PCDHA1: variants seen among roughly 807,000 people sequenced by gnomAD.
PCDHA1 encodes the protein protocadherin alpha-1.
Under a neutral mutation model 61.3 loss-of-function variants are expected in PCDHA1, and 42 were observed. The ratio of observed to expected loss-of-function variants is 0.69; its 90% CI spans 0.54 to 0.89. PCDHA1 has a LOEUF of 0.89. Ranked by LOEUF, PCDHA1 falls within the 40% of genes least tolerant of loss-of-function variation. The probability of loss-of-function intolerance (pLI) is 0.00; values close to 1 mark genes in which losing one functional copy is unlikely to be tolerated. For synonymous variants in PCDHA1, 610 were observed against 553.8 expected, an observed-to-expected ratio of 1.10 and a Z score of -1.43; for missense variants, 1,256 against 1,235.3, an observed-to-expected ratio of 1.02 and a Z score of -0.25.
rs2150503852 is a variant in PCDHA1 at position 140,850,955 on chromosome 5, C to T, written c.2394+62271C>T. The T allele has an allele frequency of 1.6e-5, 23 of 1,482,450 alleles. 2 individuals are homozygous for T. In the Admixed American group the frequency reaches 2.7e-4, roughly 17 times the overall value. 91.8% of individuals were successfully genotyped at this position (1,482,450 alleles called of 1,614,324 possible). A position where few individuals can be genotyped will look rare whatever the true frequency, so the allele number is the denominator to read the frequency against. On this transcript the variant is annotated intron_variant, in intron 1 of 3. Transcript: ENST00000504120. Reference sequence around the variant, plus strand: ...TTCTTGAAAGATATTATCGATTACTCCCAGGGGCCGTTCAAATAGTTTTAT... The same window carrying T: ...TTCTTGAAAGATATTATCGATTACTTCCAGGGGCCGTTCAAATAGTTTTAT...
chr5:140,921,716 A>C (rs1554200396), intron 1 of PCDHA1, among the ~76,000 whole-genome samples: 1 of 152,202 alleles, frequency 6.6e-6, no homozygotes, highest in Non-Finnish European at 1.5e-5. Context: ...TAAACACACG[A>C]ATTACTCCCA....
intron 2 of PCDHA1, among the ~76,000 whole-genome samples, chr5:140,980,255 C>T (rs782489996): frequency 2.0e-4 from 31 of 152,210 alleles, no homozygotes; most frequent in Middle Eastern, 3.2e-3. Flanking sequence ...TGGGTAAAAG[C>T]ATGGTTTACA....
intron 3 of PCDHA1, among the ~76,000 whole-genome samples, chr5:141,000,419 A>G (rs1394449061): frequency 1.6e-5 from 1 of 61,008 alleles, no homozygotes; most frequent in African/African-American, 7.6e-5. Flanking sequence ...ATATATATAT[A>G]TATTTTTTTT....
At chr5:140,810,923 TTTACA>T (rs782478731) in intron 1 of PCDHA1, 7 of 152,192 alleles carry the variant, frequency 4.6e-5, no homozygotes, top group Non-Finnish European at 8.8e-5. Flanking sequence ...TATTTCATTG[TTTACA>T]TTACATCTAC....
At chr5:140,872,769 T>C (rs1463790803) in intron 1 of PCDHA1, among the ~76,000 whole-genome samples, 2 of 152,184 alleles carry the variant, frequency 1.3e-5, no homozygotes, top group African/African-American at 2.4e-5. Flanking sequence ...TAGGGCTATA[T>C]TATCTATAAT....
At chr5:140,878,550 A>T (rs1483801784) in intron 1 of PCDHA1, among the ~76,000 whole-genome samples, 1 of 152,212 alleles carries the variant, frequency 6.6e-6, no homozygotes, top group African/African-American at 2.4e-5. Flanking sequence ...GTTTCAGATG[A>T]TCCCAAACTT....
intron 1 of PCDHA1, among the ~76,000 whole-genome samples, chr5:140,921,272 C>T (rs2080137544): frequency 6.6e-6 from 1 of 152,074 alleles, no homozygotes; most frequent in African/African-American, 2.4e-5. Context: ...TTTATACTTA[C>T]TTGAAAAAAA....
chr5:140,836,633 C>T, intron 1 of PCDHA1: 1 of 1,613,432 alleles, frequency 6.2e-7, no homozygotes, highest in Non-Finnish European at 8.5e-7. Flanking sequence ...GCTGGTCATT[C>T]TCCCAGCAGA....
Position 141,010,263 on chromosome 5 carries a change from C to T in PCDHA1, c.*326C>T, listed in dbSNP as rs782479376. On this transcript the variant is annotated 3_prime_UTR_variant, in exon 4 of 4. Transcript: ENST00000504120. Reference sequence around the variant, plus strand: ...AGGTTGGACTCTCTGCCCTGTGCTCCGGGGATCCTGTCTTGATGACACTTG... The same window carrying T: ...AGGTTGGACTCTCTGCCCTGTGCTCTGGGGATCCTGTCTTGATGACACTTG... The T allele has an allele frequency of 8.4e-6, 13 of 1,551,608 alleles. No homozygotes were observed. Among genetic ancestry groups the T allele is most frequent in the African/African-American group, 5.5e-5 (4 of 73,018 alleles).
rs1232327422 is a variant in PCDHA1, at chr5:140,841,830, A to G, written c.2394+53146A>G. On this transcript the variant is annotated intron_variant, in intron 1 of 3. Transcript: ENST00000504120. ...GTTGGAGCTAACTCCGTGTTAACCT[A>G]CAGGCTTAGCTCTCATGATTACTTC... 5.6e-6 allele frequency: 9 copies of G among 1,613,794 alleles called. No individual in the cohort carries two copies. In the South Asian group the frequency reaches 7.7e-5, roughly 14 times the overall value.
At chr5:140,980,684 G>GA (rs782726576) in intron 2 of PCDHA1, among the ~76,000 whole-genome samples, 3,276 of 145,132 alleles carry the variant, frequency 0.023, 40 homozygotes, top group Middle Eastern at 0.066. Flanking sequence ...TTTTCAAATT[G>GA]AAAAAAAAAA....
chr5:140,857,491 G>A, intron 1 of PCDHA1: 2 of 1,598,340 alleles, frequency 1.3e-6, no homozygotes, highest in Non-Finnish European at 1.7e-6. Flanking sequence ...CGTGGGACGC[G>A]GACGCGCAGG....
chr5:140,941,231 C>CTT (rs1554214107), intron 1 of PCDHA1, among the ~76,000 whole-genome samples: 1 of 136,770 alleles, frequency 7.3e-6, no homozygotes, highest in African/African-American at 2.8e-5. Context: ...TTCTTTCTTT[C>CTT]TTTCTTTCTT....
At position 140,849,493 on chromosome 5, in the gene PCDHA1, A is replaced by G. The variant is rs2150439016; in HGVS notation, c.2394+60809A>G. ...AAAGGCTTCCCACCCCTGGCTGGTC[A>G]TTGTACACTTCTTGTGGAAGTTGTG... On this transcript the variant is annotated intron_variant, in intron 1 of 3. Transcript: ENST00000504120. 4.4e-6 allele frequency: 7 copies of G among 1,593,210 alleles called. 2 individuals are homozygous for G. Among genetic ancestry groups the G allele is most frequent in the Non-Finnish European group, 3.4e-6 (4 of 1,164,850 alleles).
chr5:140,995,905 G>C (rs1346539389), intron 3 of PCDHA1, among the ~76,000 whole-genome samples: 1 of 152,186 alleles, frequency 6.6e-6, no homozygotes, highest in Non-Finnish European at 1.5e-5. Flanking sequence ...GTATAAAAGA[G>C]GAGAGACCAT....
intron 1 of PCDHA1, among the ~76,000 whole-genome samples, chr5:140,912,626 G>A (rs189482006): frequency 6.6e-6 from 1 of 152,190 alleles, no homozygotes; most frequent in East Asian, 1.9e-4. Context: ...CTCTGGATGA[G>A]ACTTTCAGTA....
chr5:140,964,251 T>A (rs2095820730), intron 1 of PCDHA1, among the ~76,000 whole-genome samples: 2 of 152,330 alleles, frequency 1.3e-5, no homozygotes, highest in Non-Finnish European at 1.5e-5. Flanking sequence ...TGGCTTTATA[T>A]TTGACTCCTT....
intron 1 of PCDHA1, chr5:140,841,611 G>C (rs2150319293): frequency 6.2e-7 from 1 of 1,614,018 alleles, no homozygotes. Context: ...GAGCTGTGCG[G>C]GCGGAGCGCG....
At chr5:140,802,658 C>G in intron 1 of PCDHA1, 1 of 1,613,590 alleles carries the variant, frequency 6.2e-7, no homozygotes, top group Non-Finnish European at 8.5e-7. Flanking sequence ...CGCAGGAGAA[C>G]GCCCTGGTGT....
Sources: allele counts gnomAD v4.1 joint callset (sites outside exome capture counted in the v4.1 genomes callset), GRCh38; gene constraint gnomAD v4.1.1; transcripts MANE v1.5; gene names NCBI Gene and HGNC (gene_info 2026-07-23, HGNC 2026-07-21).